LDB2: variants seen among roughly 807,000 people sequenced by gnomAD.
LDB2 encodes the protein LIM domain-binding protein 2.
A neutral mutation model predicts 44.3 loss-of-function variants in LDB2; 12 were observed. That is an observed-to-expected ratio of 0.27 (90% CI 0.17 to 0.44). The LOEUF is 0.44. Among genes scored for constraint, LDB2 ranks in the 20% least tolerant of loss-of-function variants. The pLI is 1.00. For missense variants in LDB2, 344 were observed against 473.5 expected (o/e 0.73, Z 2.54); for synonymous variants, 164 against 174.8 (o/e 0.94, Z 0.49).
At chr4:16,540,335 G>C (rs865931118) in intron 5 of LDB2, among the ~76,000 whole-genome samples, 1 of 152,076 alleles carries the variant, frequency 6.6e-6, no homozygotes, top group Non-Finnish European at 1.5e-5. Flanking sequence ...TTTGCCATAC[G>C]GTGTAGTTTC....
At chr4:16,868,388 C>T (rs1013218305) in intron 1 of LDB2, among the ~76,000 whole-genome samples, 5 of 152,112 alleles carry the variant, frequency 3.3e-5, no homozygotes, top group Admixed American at 6.5e-5. Context: ...CATCTGCTGA[C>T]GGGGGTGTAT....
At chr4:16,675,985 G>A (rs1222574964) in intron 2 of LDB2, among the ~76,000 whole-genome samples, 1 of 152,142 alleles carries the variant, frequency 6.6e-6, no homozygotes, top group East Asian at 1.9e-4. Context: ...TGGCATATTG[G>A]TAGGTGCCCT....
At chr4:16,689,034 C>T (rs1483488283) in intron 2 of LDB2, among the ~76,000 whole-genome samples, 1 of 152,212 alleles carries the variant, frequency 6.6e-6, no homozygotes, top group Non-Finnish European at 1.5e-5. Flanking sequence ...CGCTAGGGGA[C>T]TGTGAACACT....
At chr4:16,850,856 T>C (rs1478951610) in intron 1 of LDB2, among the ~76,000 whole-genome samples, 1 of 152,044 alleles carries the variant, frequency 6.6e-6, no homozygotes, top group Non-Finnish European at 1.5e-5. Context: ...TTCCAGGAAG[T>C]GTTTGGACAT....
chr4:16,512,785 C>T (rs955943), intron 5 of LDB2, among the ~76,000 whole-genome samples: 13,813 of 152,118 alleles, frequency 0.091, 995 homozygotes, highest in African/African-American at 0.18. Context: ...ATACAGCCAC[C>T]TTGTTCCTTC....
At chr4:16,842,882 T>C (rs1403872889) in intron 1 of LDB2, among the ~76,000 whole-genome samples, 1 of 152,210 alleles carries the variant, frequency 6.6e-6, no homozygotes. Context: ...ATAGGGCTAC[T>C]GTGAGGATTA....
chr4:16,616,519 G>T (rs1727374505), intron 2 of LDB2, among the ~76,000 whole-genome samples: 1 of 152,004 alleles, frequency 6.6e-6, no homozygotes, highest in Non-Finnish European at 1.5e-5. Flanking sequence ...CAAAGGGGTG[G>T]TTGGTGTCAG....
chr4:16,791,572 A>AAAAAAAAAAAAAAG (rs1554021638), intron 1 of LDB2, among the ~76,000 whole-genome samples: 1 of 150,560 alleles, frequency 6.6e-6, no homozygotes, highest in Non-Finnish European at 1.5e-5. Context: ...AAAAAAAAAA[A>AAAAAAAAAAAAAAG]GAAAGACAGC....
intron 5 of LDB2, among the ~76,000 whole-genome samples, chr4:16,528,460 T>C (rs1729014021): frequency 1.3e-5 from 2 of 152,198 alleles, no homozygotes; most frequent in East Asian, 3.9e-4. Context: ...ACAAACATCA[T>C]AATGAGGATG....
intron 1 of LDB2, chr4:16,893,009 AT>A (rs1337005640): frequency 1.5e-6 from 1 of 672,974 alleles, no homozygotes; most frequent in African/African-American, 2.0e-5. Flanking sequence ...AACAGTTCCC[AT>A]AGTAAGAAAA....
chr4:16,776,709 T>C (rs570862518), intron 1 of LDB2, among the ~76,000 whole-genome samples: 2 of 152,326 alleles, frequency 1.3e-5, no homozygotes, highest in Admixed American at 1.3e-4. Flanking sequence ...GAATGAAATA[T>C]GTCATTTATT....
At chr4:16,699,720 T>C (rs1464800158) in intron 2 of LDB2, among the ~76,000 whole-genome samples, 2 of 152,194 alleles carry the variant, frequency 1.3e-5, no homozygotes, top group Non-Finnish European at 2.9e-5. Context: ...AAGATAGATT[T>C]ATAGCTCTAA....
chr4:16,864,280 A>G (rs1713850747), intron 1 of LDB2, among the ~76,000 whole-genome samples: 1 of 152,198 alleles, frequency 6.6e-6, no homozygotes, highest in African/African-American at 2.4e-5. Flanking sequence ...TCCAGGGTAA[A>G]TGTTTTAAGG....
intron 1 of LDB2, among the ~76,000 whole-genome samples, chr4:16,836,577 G>A (rs1784913424): frequency 6.6e-6 from 1 of 152,122 alleles, no homozygotes; most frequent in Admixed American, 6.5e-5. Context: ...TCAGACAGAG[G>A]CCAACGTCTT....
chr4:16,613,820 T>A (rs776374153), intron 2 of LDB2, among the ~76,000 whole-genome samples: 1 of 152,152 alleles, frequency 6.6e-6, no homozygotes, highest in African/African-American at 2.4e-5. Flanking sequence ...GAAGAATCGA[T>A]ATTGAGAAAA....
At position 16,638,387 on chromosome 4, in the gene LDB2, C is replaced by T. The variant is rs547769932; in HGVS notation, c.236-42512G>A. Among the ~76,000 whole-genome samples the T allele has an allele frequency of 7.9e-5, 12 of 152,250 alleles. No homozygotes were observed. The South Asian group carries it at 2.1e-3, about 26-fold the overall frequency. On this transcript the variant is annotated intron_variant, in intron 2 of 7. Transcript: ENST00000304523. ...GTAGCACAAGGGGGTCTGGAGAAAACGCTTTGGAAGTATTTGCTGAATGAA... is the reference window on the plus strand; with the variant it reads ...GTAGCACAAGGGGGTCTGGAGAAAATGCTTTGGAAGTATTTGCTGAATGAA...
chr4:16,837,956 G>T (rs1307580066), intron 1 of LDB2, among the ~76,000 whole-genome samples: 1 of 152,202 alleles, frequency 6.6e-6, no homozygotes, highest in Non-Finnish European at 1.5e-5. Flanking sequence ...TATAAAACTT[G>T]TACATGAGAC....
intron 2 of LDB2, among the ~76,000 whole-genome samples, chr4:16,696,217 G>A (rs937842399): frequency 1.4e-4 from 22 of 152,266 alleles, no homozygotes; most frequent in African/African-American, 5.1e-4. Context: ...GGCTGTAGCG[G>A]AACAGTGAGT....
chr4:16,875,761 G>A (rs1304729781), intron 1 of LDB2, among the ~76,000 whole-genome samples: 1 of 152,122 alleles, frequency 6.6e-6, no homozygotes, highest in Non-Finnish European at 1.5e-5. Context: ...CCGTCTCCAG[G>A]GACCACCAGC....
Sources: allele counts gnomAD v4.1 joint callset (sites outside exome capture counted in the v4.1 genomes callset), GRCh38; gene constraint gnomAD v4.1.1; transcripts MANE v1.5; gene names NCBI Gene and HGNC (gene_info 2026-07-23, HGNC 2026-07-21).